Variants in CDH12 observed in about 807,000 individuals in gnomAD.
CDH12 encodes cadherin 12, also known as cadherin-12.
In CDH12, 41 loss-of-function variants were observed where a neutral mutation model predicts 74.1. The observed-to-expected ratio is 0.55, with a 90% CI of 0.43 to 0.72. The LOEUF (loss-of-function observed/expected upper bound fraction) is 0.72, where lower values mean the gene tolerates loss of function less well. Ranked by LOEUF, CDH12 falls within the 30% of genes least tolerant of loss-of-function variation. The pLI, the probability that CDH12 is intolerant of heterozygous loss-of-function variation, is 0.00. For synonymous variants in CDH12, 399 were observed against 355.0 expected, an observed-to-expected ratio of 1.12 and a Z score of -1.39; for missense variants, 945 against 977.2, an observed-to-expected ratio of 0.97 and a Z score of 0.44.
intron 4 of CDH12, chr5:22,139,517 T>C (rs1011013091): frequency 1.5e-5 from 2 of 135,226 alleles, no homozygotes; most frequent in Non-Finnish European, 3.2e-5. Flanking sequence ...AAATGTATGG[T>C]AAACTGTCAG....
At chr5:21,924,497 C>G (rs1754500599) in intron 6 of CDH12, among the ~76,000 whole-genome samples, 1 of 151,528 alleles carries the variant, frequency 6.6e-6, no homozygotes, top group Non-Finnish European at 1.5e-5. Flanking sequence ...GCCTGGGCAA[C>G]AAGAGCCAAA....
chr5:21,814,612 C>T (rs1747940775), intron 9 of CDH12, among the ~76,000 whole-genome samples: 1 of 150,422 alleles, frequency 6.6e-6, no homozygotes, highest in Non-Finnish European at 1.5e-5. Flanking sequence ...AAACATAAAA[C>T]TATGTGTGTG....
At chr5:22,012,313 A>G (rs564622611) in intron 5 of CDH12, among the ~76,000 whole-genome samples, 7 of 152,178 alleles carry the variant, frequency 4.6e-5, no homozygotes, top group African/African-American at 1.7e-4. Flanking sequence ...TAAGTGAAAG[A>G]GTTGTTAGAC....
At chr5:22,399,450 C>A (rs1271150363) in intron 3 of CDH12, among the ~76,000 whole-genome samples, 1 of 152,108 alleles carries the variant, frequency 6.6e-6, no homozygotes, top group African/African-American at 2.4e-5. Context: ...CATAGGCCAG[C>A]AAACCTACAT....
intron 4 of CDH12, among the ~76,000 whole-genome samples, chr5:22,205,782 G>T (rs1751185096): frequency 6.6e-6 from 1 of 151,998 alleles, no homozygotes; most frequent in Non-Finnish European, 1.5e-5. Flanking sequence ...GAGTTATCTT[G>T]GGCAATGCTA....
chr5:22,713,309 T>A (rs570281128), intron 1 of CDH12, among the ~76,000 whole-genome samples: 31 of 151,574 alleles, frequency 2.0e-4, no homozygotes, highest in Middle Eastern at 3.4e-3. Flanking sequence ...CCCCACTGAT[T>A]TTTTTGTATT....
At chr5:22,788,602 A>G (rs1561031586) in intron 1 of CDH12, among the ~76,000 whole-genome samples, 1 of 148,200 alleles carries the variant, frequency 6.7e-6, no homozygotes, top group Non-Finnish European at 1.5e-5. Context: ...AATATATAAT[A>G]CATGAAATAT....
chr5:21,842,353 A>C (rs1475802667), intron 7 of CDH12, 25 bp from the exon 8 acceptor site: 1 of 1,493,262 alleles, frequency 6.7e-7, no homozygotes, highest in African/African-American at 1.4e-5. Flanking sequence ...GCAATAATGT[A>C]AAATAAATAT....
chr5:21,890,336 G>A (rs1339686505), intron 6 of CDH12, among the ~76,000 whole-genome samples: 1 of 151,902 alleles, frequency 6.6e-6, no homozygotes, highest in Non-Finnish European at 1.5e-5. Context: ...TTCTTCTATG[G>A]TAAAAATGTC....
intron 5 of CDH12, among the ~76,000 whole-genome samples, chr5:22,039,617 A>C (rs1262732426): frequency 1.3e-5 from 2 of 152,156 alleles, no homozygotes; most frequent in Non-Finnish European, 2.9e-5. Flanking sequence ...AGAGGACCCC[A>C]AAAGTAATTG....
intron 6 of CDH12, among the ~76,000 whole-genome samples, chr5:21,951,071 G>A (rs1433246362): frequency 3.3e-5 from 5 of 151,794 alleles, no homozygotes; most frequent in Non-Finnish European, 7.4e-5. Context: ...ACAGGCATGA[G>A]CCAGGGTGCC....
At chr5:22,145,223 T>TA (rs746541666) in intron 4 of CDH12, among the ~76,000 whole-genome samples, 3 of 152,114 alleles carry the variant, frequency 2.0e-5, no homozygotes, top group Non-Finnish European at 4.4e-5. Context: ...TATGTGAAAC[T>TA]AACTGTGTAT....
intron 1 of CDH12, among the ~76,000 whole-genome samples, chr5:22,808,297 C>G (rs999572049): frequency 1.6e-4 from 24 of 152,246 alleles, no homozygotes; most frequent in African/African-American, 5.5e-4. Flanking sequence ...GTGAACAATG[C>G]TAGAGACCAA....
intron 2 of CDH12, among the ~76,000 whole-genome samples, chr5:22,414,154 G>T (rs7731476): frequency 0.041 from 6,166 of 151,848 alleles, 435 homozygotes; most frequent in African/African-American, 0.14. Flanking sequence ...AGAATACCTA[G>T]AATTAAAACT....
At chr5:22,534,350 C>T (rs1342255555) in intron 1 of CDH12, among the ~76,000 whole-genome samples, 1 of 152,108 alleles carries the variant, frequency 6.6e-6, no homozygotes, top group Non-Finnish European at 1.5e-5. Context: ...TCCCTCACCC[C>T]CTTCCCACAC....
At chr5:22,126,080 T>C (rs1745849090) in intron 4 of CDH12, among the ~76,000 whole-genome samples, 2 of 151,714 alleles carry the variant, frequency 1.3e-5, no homozygotes, top group Admixed American at 1.3e-4. Context: ...GTGTAAAACA[T>C]ACCAATGCTT....
intron 1 of CDH12, among the ~76,000 whole-genome samples, chr5:22,703,230 T>A (rs1027032993): frequency 6.6e-6 from 1 of 152,204 alleles, no homozygotes; most frequent in Non-Finnish European, 1.5e-5. Flanking sequence ...GACCTTGTGC[T>A]ATCTTTTTGT....
chr5:22,342,929 A>C (rs1739939429), intron 3 of CDH12, among the ~76,000 whole-genome samples: 1 of 150,814 alleles, frequency 6.6e-6, no homozygotes, highest in Admixed American at 6.6e-5. Flanking sequence ...GCTTATTGCA[A>C]CCTCCGCCTC....
In CDH12 at chr5:22,526,842, T is replaced by C. The variant is rs927937274; in HGVS notation, c.-522-21478A>G. On this transcript the variant is annotated intron_variant, in intron 1 of 14. Transcript: ENST00000382254. ...TTCCAATTGGCCTTTTATACTATAA[T>C]ATCCCTCACACTACAGGTCAGGGAA... Among the ~76,000 whole-genome samples the C allele has an allele frequency of 1.1e-4, 17 of 152,174 alleles. 1 individual carries two copies. The highest frequency in any genetic ancestry group is 1.1e-3 in the Admixed American group (17 of 15,268).
Sources: allele counts gnomAD v4.1 joint callset (sites outside exome capture counted in the v4.1 genomes callset), GRCh38; gene constraint gnomAD v4.1.1; transcripts MANE v1.5; gene names NCBI Gene and HGNC (gene_info 2026-07-23, HGNC 2026-07-21).